TAB2: variants seen among roughly 807,000 people sequenced by gnomAD.
TAB2 encodes TGF-beta-activated kinase 1 and MAP3K7-binding protein 2.
TAB2 carries 3 observed loss-of-function variants against 65.0 expected under a neutral mutation model. The ratio of observed to expected loss-of-function variants is 0.05; its 90% CI spans 0.02 to 0.12. TAB2 has a LOEUF of 0.12. Among genes scored for constraint, TAB2 ranks in the 10% least tolerant of loss-of-function variants. TAB2 has a pLI of 1.00. For missense variants in TAB2, 623 were observed against 840.3 expected, an observed-to-expected ratio of 0.74 and a Z score of 3.20; for synonymous variants, 298 against 285.1, an observed-to-expected ratio of 1.05 and a Z score of -0.46.
At chr6:149,267,913 A>G (rs1420182282) in intron 1 of TAB2, among the ~76,000 whole-genome samples, 1 of 152,244 alleles carries the variant, frequency 6.6e-6, no homozygotes, top group Non-Finnish European at 1.5e-5. Flanking sequence ...TCGTATACGC[A>G]GTCTATTGTT....
chr6:149,252,320 C>A (rs1777878667), intron 1 of TAB2, among the ~76,000 whole-genome samples: 1 of 151,356 alleles, frequency 6.6e-6, no homozygotes, highest in Non-Finnish European at 1.5e-5. Flanking sequence ...GCAGGAGAAT[C>A]TCTTGAACCC....
At chr6:149,404,939 C>T (rs1014132726) in intron 6 of TAB2, among the ~76,000 whole-genome samples, 1 of 152,160 alleles carries the variant, frequency 6.6e-6, no homozygotes. Flanking sequence ...TAAAATGCAT[C>T]TACACGGCAA....
chr6:149,258,119 C>T (rs1778077815), intron 1 of TAB2, among the ~76,000 whole-genome samples: 2 of 152,146 alleles, frequency 1.3e-5, no homozygotes, highest in South Asian at 2.1e-4. Flanking sequence ...GCCCCTTCTC[C>T]AGCTAGAGAG....
intron 1 of TAB2, among the ~76,000 whole-genome samples, chr6:149,262,275 G>A (rs918740988): frequency 6.6e-6 from 1 of 152,230 alleles, no homozygotes; most frequent in Non-Finnish European, 1.5e-5. Context: ...GCTCATGCCT[G>A]TAATCCCAAC....
chr6:149,398,248 T>C (rs1782242031), intron 5 of TAB2, among the ~76,000 whole-genome samples, 186 bp downstream of exon 5: 1 of 152,176 alleles, frequency 6.6e-6, no homozygotes, highest in Non-Finnish European at 1.5e-5. Flanking sequence ...TCTTAACTGA[T>C]AAAATATAGA....
At chr6:149,260,502 G>T (rs1310137469) in intron 1 of TAB2, among the ~76,000 whole-genome samples, 1 of 152,208 alleles carries the variant, frequency 6.6e-6, no homozygotes, top group Admixed American at 6.5e-5. Flanking sequence ...GAGAGCTGTT[G>T]CAGAAGCCCA....
At chr6:149,275,240 GAAAGAAAGAAAGAA>G (rs1778441562) in intron 1 of TAB2, among the ~76,000 whole-genome samples, 4 of 81,828 alleles carry the variant, frequency 4.9e-5, no homozygotes, top group African/African-American at 1.3e-4. Flanking sequence ...GAGAGAGAAA[GAAAGAAAGAAAGAA>G]AGAAAGAAAG....
intron 1 of TAB2, among the ~76,000 whole-genome samples, chr6:149,361,166 G>A (rs1780835638): frequency 6.6e-6 from 1 of 152,192 alleles, no homozygotes; most frequent in Non-Finnish European, 1.5e-5. Context: ...GACTCTGTGG[G>A]GCCTCCAACT....
At position 149,397,777 on chromosome 6, in the gene TAB2, G is replaced by A. The variant is rs1782224125; in HGVS notation, c.1764+13G>A. On this transcript the variant is annotated intron_variant, in intron 4 of 6. Coordinates refer to ENST00000637181, the MANE Select transcript of TAB2 (RefSeq NM_001292034.3). ...CCAGATACCTTCCGTAAGTCTTTATGTAACTGTTGTGATCTCTGCTTGAAC... is the reference window on the plus strand; with the variant it reads ...CCAGATACCTTCCGTAAGTCTTTATATAACTGTTGTGATCTCTGCTTGAAC... The A allele has an allele frequency of 2.5e-6, 4 of 1,612,222 alleles. No individual in the cohort carries two copies. The East Asian group carries it at 8.9e-5, about 36-fold the overall frequency.
chr6:149,235,650 C>A (rs1777481992), intron 1 of TAB2, among the ~76,000 whole-genome samples: 1 of 152,186 alleles, frequency 6.6e-6, no homozygotes, highest in African/African-American at 2.4e-5. Context: ...CTCCAGAAAG[C>A]CTTGATATCA....
intron 1 of TAB2, among the ~76,000 whole-genome samples, chr6:149,351,137 G>A (rs1780476807): frequency 6.6e-6 from 1 of 152,074 alleles, no homozygotes; most frequent in Non-Finnish European, 1.5e-5. Context: ...TCAGCCCAGA[G>A]AGATCCCTTT....
At chr6:149,257,120 G>A (rs73781722) in intron 1 of TAB2, among the ~76,000 whole-genome samples, 5,798 of 152,268 alleles carry the variant, frequency 0.038, 349 homozygotes, top group African/African-American at 0.13. Context: ...GCTGGGTTGC[G>A]CTTAGTGAAG....
intron 1 of TAB2, among the ~76,000 whole-genome samples, chr6:149,245,747 C>A (rs1332891854): frequency 1.3e-5 from 2 of 152,160 alleles, no homozygotes; most frequent in Admixed American, 1.3e-4. Flanking sequence ...TCATGGACAA[C>A]CCCCTAGCAT....
At chr6:149,322,222 C>T (rs1779479116) in intron 1 of TAB2, among the ~76,000 whole-genome samples, 1 of 152,008 alleles carries the variant, frequency 6.6e-6, no homozygotes, top group Non-Finnish European at 1.5e-5. Flanking sequence ...TGGTAAAAGA[C>T]TTAATAAATG....
At chr6:149,399,235 T>C (rs550467611) in intron 6 of TAB2, 51 bp downstream of exon 6, 1 of 1,514,024 alleles carries the variant, frequency 6.6e-7, no homozygotes, top group Admixed American at 1.7e-5. Flanking sequence ...AAGCAAAATT[T>C]TAGAAAATTT....
intron 1 of TAB2, among the ~76,000 whole-genome samples, chr6:149,229,133 A>G (rs1009485902): frequency 6.6e-6 from 1 of 152,242 alleles, no homozygotes; most frequent in Non-Finnish European, 1.5e-5. Flanking sequence ...TTTGTAATGT[A>G]ATCCACGCAG....
chr6:149,306,107 T>C (rs986394150), intron 1 of TAB2, among the ~76,000 whole-genome samples: 2 of 152,162 alleles, frequency 1.3e-5, no homozygotes, highest in Non-Finnish European at 1.5e-5. Context: ...AACAGTCTTG[T>C]TGAAAACTTG....
At chr6:149,230,081 C>T (rs907585448) in intron 1 of TAB2, 6 of 152,184 alleles carry the variant, frequency 3.9e-5, no homozygotes, top group African/African-American at 1.4e-4. Context: ...GACTTTGTGT[C>T]GTGAAATCTC....
chr6:149,287,250 T>A (rs1778692470), intron 1 of TAB2, among the ~76,000 whole-genome samples: 1 of 152,154 alleles, frequency 6.6e-6, no homozygotes, highest in Non-Finnish European at 1.5e-5. Flanking sequence ...GGATTATAGG[T>A]GAGTTTTGTT....
Sources: gnomAD v4.1 joint callset for allele counts (sites outside exome capture counted in the v4.1 genomes callset) on GRCh38, gnomAD v4.1.1 for gene constraint, MANE v1.5 for transcripts, NCBI Gene and HGNC (gene_info 2026-07-23, HGNC 2026-07-21) for gene names.